The following ZNF385D variants were observed in gnomAD, a reference collection of about 807,000 sequenced individuals.
ZNF385D encodes zinc finger protein 659.
A neutral mutation model predicts 35.8 loss-of-function variants in ZNF385D; 15 were observed. The ratio of observed to expected loss-of-function variants is 0.42; its 90% CI spans 0.28 to 0.64. The LOEUF (loss-of-function observed/expected upper bound fraction) is 0.64, where lower values mean the gene tolerates loss of function less well. Among genes scored for constraint, ZNF385D ranks in the 30% least tolerant of loss-of-function variants. The pLI is 0.23. For missense variants in ZNF385D, 474 were observed against 494.6 expected (o/e 0.96, Z 0.39); for synonymous variants, 212 against 186.8 (o/e 1.13, Z -1.10).
chr3:21,512,340 T>C (rs552446678), intron 3 of ZNF385D, among the ~76,000 whole-genome samples: 1 of 152,264 alleles, frequency 6.6e-6, no homozygotes, highest in Non-Finnish European at 1.5e-5. Context: ...GATATCTCAG[T>C]AGAGGATTAC....
intron 2 of ZNF385D, among the ~76,000 whole-genome samples, chr3:22,206,647 T>A (rs1243393964): frequency 1.3e-5 from 2 of 150,832 alleles, no homozygotes; most frequent in Non-Finnish European, 3.0e-5. Context: ...TACAAATGAG[T>A]GAAAATTAAA....
intron 3 of ZNF385D, among the ~76,000 whole-genome samples, chr3:21,548,247 C>G (rs1458360413): frequency 1.3e-5 from 2 of 152,148 alleles, no homozygotes; most frequent in Non-Finnish European, 2.9e-5. Context: ...GCTGCAACAC[C>G]ACCACACCTG....
chr3:22,126,425 T>A (rs1427197074), intron 3 of ZNF385D, among the ~76,000 whole-genome samples: 2 of 150,750 alleles, frequency 1.3e-5, no homozygotes, highest in African/African-American at 2.4e-5. Flanking sequence ...CAAGGAATTT[T>A]AAAATTTCCT....
chr3:21,568,073 G>GAATT (rs752526648), intron 2 of ZNF385D, among the ~76,000 whole-genome samples: 10 of 151,944 alleles, frequency 6.6e-5, no homozygotes, highest in Non-Finnish European at 1.2e-4. Flanking sequence ...AAACTTAACT[G>GAATT]AATTACCTTT....
At chr3:21,831,577 A>G (rs1473829747) in intron 3 of ZNF385D, among the ~76,000 whole-genome samples, 2 of 152,162 alleles carry the variant, frequency 1.3e-5, no homozygotes, top group Non-Finnish European at 2.9e-5. Context: ...CATTCATTCA[A>G]TCAATATTTA....
intron 2 of ZNF385D, among the ~76,000 whole-genome samples, chr3:22,298,306 C>T (rs1702701216): frequency 6.6e-6 from 1 of 150,404 alleles, no homozygotes; most frequent in African/African-American, 2.4e-5. Flanking sequence ...CCATTTAAAA[C>T]AAAGTGAGGA....
intron 3 of ZNF385D, among the ~76,000 whole-genome samples, chr3:22,000,247 G>C (rs1366729572): frequency 1.3e-5 from 2 of 151,966 alleles, no homozygotes; most frequent in Non-Finnish European, 2.9e-5. Flanking sequence ...GGAGCTTGCA[G>C]TGAGTGGAGA....
intron 1 of ZNF385D, among the ~76,000 whole-genome samples, chr3:21,708,990 G>T (rs370697644): frequency 8.5e-5 from 13 of 152,158 alleles, no homozygotes; most frequent in African/African-American, 2.9e-4. Context: ...AGCTTCCATG[G>T]TAGAAGAAGC....
intron 3 of ZNF385D, among the ~76,000 whole-genome samples, chr3:22,088,756 T>C (rs941209998): frequency 1.3e-5 from 2 of 152,066 alleles, no homozygotes; most frequent in Admixed American, 6.6e-5. Context: ...AAGACCTTAG[T>C]AGTAAAAGAA....
intron 2 of ZNF385D, among the ~76,000 whole-genome samples, chr3:21,578,119 A>T (rs1288723824): frequency 6.6e-6 from 1 of 151,866 alleles, no homozygotes; most frequent in African/African-American, 2.4e-5. Context: ...CCCCACATTT[A>T]TATGTTTTCT....
At chr3:21,531,535 A>G (rs2061922045) in intron 3 of ZNF385D, among the ~76,000 whole-genome samples, 1 of 152,200 alleles carries the variant, frequency 6.6e-6, no homozygotes, top group African/African-American at 2.4e-5. Flanking sequence ...TGAATAGAGA[A>G]ACAAACTGTT....
chr3:22,316,213 C>A (rs936015010), intron 2 of ZNF385D, among the ~76,000 whole-genome samples: 4 of 152,300 alleles, frequency 2.6e-5, no homozygotes, highest in Middle Eastern at 3.4e-3. Context: ...ACATTCCCTA[C>A]TGCCTGCCAA....
At position 22,122,005 on chromosome 3, in the gene ZNF385D, G is replaced by C. The variant is rs531753496; in HGVS notation, c.325+46812C>G. Among the ~76,000 whole-genome samples the C allele has an allele frequency of 3.3e-5, 5 of 152,186 alleles. 1 individual carries two copies. The highest frequency in any genetic ancestry group is 1.2e-4 in the African/African-American group (5 of 41,550). ...ATTCAAACTGGCTAGCTAACAACCT[G>C]ATCATTACTGAGATGACACCAGCCC... On this transcript the variant is annotated intron_variant, in intron 3 of 5. Transcript: ENST00000494108.
intron 3 of ZNF385D, among the ~76,000 whole-genome samples, chr3:22,037,183 T>C (rs1318719273): frequency 6.6e-6 from 1 of 151,606 alleles, no homozygotes; most frequent in Non-Finnish European, 1.5e-5. Context: ...CGTGTGCATG[T>C]GTCTTTATAG....
At chr3:21,759,999 G>A (rs2070530370) in intron 3 of ZNF385D, among the ~76,000 whole-genome samples, 2 of 152,186 alleles carry the variant, frequency 1.3e-5, no homozygotes, top group Non-Finnish European at 2.9e-5. Context: ...GTCAAATACA[G>A]TAGGTGGAAA....
At chr3:22,023,079 C>T (rs259439) in intron 3 of ZNF385D, among the ~76,000 whole-genome samples, 1 of 151,966 alleles carries the variant, frequency 6.6e-6, no homozygotes, top group Non-Finnish European at 1.5e-5. Flanking sequence ...TTCCTCCCTC[C>T]CTGAGGTCTT....
At chr3:21,510,597 A>C (rs755031493) in intron 4 of ZNF385D, among the ~76,000 whole-genome samples, 22 of 152,196 alleles carry the variant, frequency 1.4e-4, no homozygotes, top group Admixed American at 7.9e-4. Flanking sequence ...TATGGGGTAC[A>C]TGGCTTCAAA....
At chr3:22,030,196 T>G (rs1824979) in intron 3 of ZNF385D, among the ~76,000 whole-genome samples, 2 of 141,526 alleles carry the variant, frequency 1.4e-5, no homozygotes, top group Non-Finnish European at 3.0e-5. Context: ...GCTCCTCAGC[T>G]TGAAGACAGC....
intron 2 of ZNF385D, among the ~76,000 whole-genome samples, chr3:21,642,992 T>G (rs1235436701): frequency 1.3e-5 from 2 of 152,122 alleles, no homozygotes. Context: ...GAAAAATTTC[T>G]GAAGACAGAT....
Sources: allele counts gnomAD v4.1 joint callset (sites outside exome capture counted in the v4.1 genomes callset), GRCh38; gene constraint gnomAD v4.1.1; transcripts MANE v1.5; gene names NCBI Gene and HGNC (gene_info 2026-07-23, HGNC 2026-07-21).